Variants in THRB observed in about 807,000 individuals in gnomAD.
THRB encodes nuclear receptor subfamily 1 group A member 2.
THRB carries 12 observed loss-of-function variants against 47.8 expected under a neutral mutation model. The observed-to-expected ratio is 0.25, with a 90% CI of 0.16 to 0.41. The LOEUF is 0.41. THRB is among the 10% of genes least tolerant of loss of function. The probability of loss-of-function intolerance (pLI) is 1.00; values close to 1 mark genes in which losing one functional copy is unlikely to be tolerated. For missense variants in THRB, 348 were observed against 589.2 expected (o/e 0.59, Z 4.24); for synonymous variants, 218 against 212.2 (o/e 1.03, Z -0.24).
chr3:24,182,093 C>T (rs1455753518), intron 5 of THRB, among the ~76,000 whole-genome samples: 5 of 152,058 alleles, frequency 3.3e-5, no homozygotes, highest in African/African-American at 7.2e-5. Context: ...CCCAGATACT[C>T]GGGAGGCTGA....
chr3:24,122,321 A>G lies in THRB; in HGVS notation c.*563T>C, dbSNP rs767501090. On this transcript the variant is annotated 3_prime_UTR_variant, in exon 11 of 11. Coordinates refer to ENST00000646209, the MANE Select transcript of THRB (RefSeq NM_001354712.2). Reference sequence around the variant, plus strand: ...TATTGGAAGGGCAGCTGATTTTTTTAGGACACAAATATTCCTGTACATTCC... The same window carrying G: ...TATTGGAAGGGCAGCTGATTTTTTTGGGACACAAATATTCCTGTACATTCC... 3.8e-5 allele frequency: 6 copies of G among 158,970 alleles called. No individual in the cohort carries two copies. Among genetic ancestry groups the G allele is most frequent in the Non-Finnish European group, 7.0e-5 (5 of 71,536 alleles). The allele number at this position is 158,970 out of a possible 1,614,324, so 9.8% of individuals were successfully genotyped here.
At chr3:24,356,026 C>T (rs2063651926) in intron 1 of THRB, among the ~76,000 whole-genome samples, 1 of 152,140 alleles carries the variant, frequency 6.6e-6, no homozygotes. Flanking sequence ...CAGAATTCTT[C>T]TCCAGCTGTG....
intron 1 of THRB, among the ~76,000 whole-genome samples, chr3:24,412,271 T>C (rs1011946190): frequency 6.6e-6 from 1 of 151,954 alleles, no homozygotes; most frequent in South Asian, 2.1e-4. Context: ...TATTAAAACA[T>C]AGCTTAAAAT....
At chr3:24,300,866 C>T (rs1390801000) in intron 2 of THRB, among the ~76,000 whole-genome samples, 1 of 152,100 alleles carries the variant, frequency 6.6e-6, no homozygotes. Context: ...GGTGGACCCC[C>T]AAAACATATG....
chr3:24,209,799 T>G (rs2045824454), intron 4 of THRB, among the ~76,000 whole-genome samples: 1 of 152,112 alleles, frequency 6.6e-6, no homozygotes. Flanking sequence ...ATTGTGCACA[T>G]GTACCCTAGA....
intron 8 of THRB, among the ~76,000 whole-genome samples, chr3:24,138,331 G>A (rs1190055888): frequency 6.6e-6 from 1 of 151,992 alleles, no homozygotes; most frequent in Non-Finnish European, 1.5e-5. Context: ...CAAGGTCCTT[G>A]GGCCATGGGA....
At chr3:24,436,622 G>T (rs375177379) in intron 1 of THRB, among the ~76,000 whole-genome samples, 2 of 152,096 alleles carry the variant, frequency 1.3e-5, no homozygotes, top group African/African-American at 2.4e-5. Flanking sequence ...CAAGTTACCA[G>T]AACACATTCT....
chr3:24,424,670 ATTC>A (rs1249681513), intron 1 of THRB, among the ~76,000 whole-genome samples: 2 of 151,936 alleles, frequency 1.3e-5, no homozygotes, highest in Non-Finnish European at 2.9e-5. Flanking sequence ...ACAGCCTAGA[ATTC>A]TTCTCTCTCT....
intron 6 of THRB, among the ~76,000 whole-genome samples, chr3:24,147,477 T>A (rs2036244485): frequency 6.6e-6 from 1 of 152,172 alleles, no homozygotes; most frequent in Non-Finnish European, 1.5e-5. Flanking sequence ...CATTGAGGTT[T>A]TCCTTTTATA....
chr3:24,143,767 G>T, intron 7 of THRB, 61 bp from the exon 8 acceptor site: 1 of 1,566,828 alleles, frequency 6.4e-7, no homozygotes. Context: ...ACAGCAAGCT[G>T]CACTTCCTGG....
At chr3:24,481,739 G>A (rs1577910136) in intron 1 of THRB, among the ~76,000 whole-genome samples, 1 of 151,800 alleles carries the variant, frequency 6.6e-6, no homozygotes, top group East Asian at 1.9e-4. Context: ...AGGATTTCAG[G>A]AGTTCCTTGA....
rs187863847 is a variant in THRB, at chr3:24,214,932, T to C, written c.22+14006A>G. On this transcript the variant is annotated intron_variant, in intron 4 of 10. Coordinates refer to ENST00000646209, the MANE Select transcript of THRB (RefSeq NM_001354712.2). ...GCCCTTGCAAATTAAACATCCTTCATAGACATAAATATTATCACCCCATCA... is the reference window on the plus strand; with the variant it reads ...GCCCTTGCAAATTAAACATCCTTCACAGACATAAATATTATCACCCCATCA... Among the ~76,000 whole-genome samples, 230 of 152,324 alleles carry C rather than the reference T, an allele frequency of 1.5e-3. 1 individual carries two copies. The highest frequency in any genetic ancestry group is 7.5e-3 in the South Asian group (36 of 4,828).
intron 1 of THRB, among the ~76,000 whole-genome samples, chr3:24,440,940 G>T (rs1358490173): frequency 6.6e-6 from 1 of 152,198 alleles, no homozygotes; most frequent in Non-Finnish European, 1.5e-5. Context: ...CAGGAGTCCA[G>T]GCTCAAGTTA....
intron 5 of THRB, among the ~76,000 whole-genome samples, chr3:24,160,867 C>A (rs1026309657): frequency 1.3e-5 from 2 of 152,230 alleles, no homozygotes; most frequent in Non-Finnish European, 2.9e-5. Context: ...TCTCACCATT[C>A]CTCTGTAAGC....
At chr3:24,438,428 T>C (rs953725110) in intron 1 of THRB, among the ~76,000 whole-genome samples, 25 of 152,072 alleles carry the variant, frequency 1.6e-4, no homozygotes, top group African/African-American at 5.3e-4. Flanking sequence ...AGAACACTGT[T>C]GCTAGATATG....
chr3:24,468,097 G>C (rs1179668903), intron 1 of THRB, among the ~76,000 whole-genome samples: 1 of 152,188 alleles, frequency 6.6e-6, no homozygotes. Context: ...ATGTTATGGA[G>C]ACAGCATCTT....
chr3:24,447,184 G>C (rs2072180499), intron 1 of THRB, among the ~76,000 whole-genome samples: 1 of 152,124 alleles, frequency 6.6e-6, no homozygotes, highest in Non-Finnish European at 1.5e-5. Context: ...TCAAAGAGCA[G>C]TTATGCATTT....
intron 1 of THRB, among the ~76,000 whole-genome samples, chr3:24,393,078 G>A (rs996345226): frequency 1.8e-4 from 27 of 151,958 alleles, no homozygotes; most frequent in African/African-American, 6.3e-4. Context: ...TTTTTCTGTG[G>A]AAAACAACTG....
chr3:24,233,524 A>G (rs555294892), intron 3 of THRB, among the ~76,000 whole-genome samples: 5 of 145,450 alleles, frequency 3.4e-5, no homozygotes, highest in African/African-American at 1.3e-4. Flanking sequence ...GAGGGAAGGA[A>G]GGAAGGAAAA....
Sources: gnomAD v4.1 joint callset for allele counts (sites outside exome capture counted in the v4.1 genomes callset) on GRCh38, gnomAD v4.1.1 for gene constraint, MANE v1.5 for transcripts, NCBI Gene and HGNC (gene_info 2026-07-23, HGNC 2026-07-21) for gene names.